ZNF282: variants seen among roughly 807,000 people sequenced by gnomAD.
ZNF282 encodes the protein zinc finger protein 282, also known as HTLV-I U5 repressive element-binding protein 1.
In ZNF282, 30 loss-of-function variants were observed where a neutral mutation model predicts 61.9. The ratio of observed to expected loss-of-function variants is 0.48; its 90% CI spans 0.36 to 0.66. The LOEUF (loss-of-function observed/expected upper bound fraction) is 0.66, where lower values mean the gene tolerates loss of function less well. Among genes scored for constraint, ZNF282 ranks in the 30% least tolerant of loss-of-function variants. The pLI, the probability that ZNF282 is intolerant of heterozygous loss-of-function variation, is 0.00. For synonymous variants in ZNF282, 396 were observed against 405.0 expected (o/e 0.98, Z 0.27); for missense variants, 788 against 941.4 (o/e 0.84, Z 2.13).
intron 7 of ZNF282, among the ~76,000 whole-genome samples, chr7:149,220,872 A>G (rs1796235368): frequency 1.3e-5 from 2 of 150,600 alleles, no homozygotes; most frequent in African/African-American, 4.9e-5. Context: ...AAAACCCACT[A>G]GAGACGTGGG....
rs763421240 is a variant in ZNF282, at chr7:149,212,362, C to T, written c.957C>T (p.Ser319=). The T allele has an allele frequency of 6.2e-7, 1 of 1,608,874 alleles. No individual in the cohort carries two copies. The highest frequency in any genetic ancestry group is 1.1e-5 in the South Asian group (1 of 89,764). The part of the protein sequence containing the change: ...RAIPTESITD[S]PISAQDLLSR... ...CGCTCTTGTTCCCGCAAGTAGACTC[C>T]CCAATTTCTGCCCAGGACCTCTTGT... Residue 319 remains serine (S), a synonymous_variant, in exon 6 of 8, where the codon TCC becomes TCT. Transcript: ENST00000610704.
chr7:149,210,732 CAGGGA>C lies in ZNF282; in HGVS notation c.952+29_952+33del, dbSNP rs766118391. The C allele has an allele frequency of 2.5e-5, 38 of 1,541,008 alleles. No homozygotes were observed. The South Asian group carries it at 3.8e-4, about 15-fold the overall frequency. ...GAGTGAGCCAAGCAGCCGTCCACAC[CAGGGA>C]GGGGAGGGGAGGGGAGAGGGTTAGC... On this transcript the variant is annotated intron_variant, in intron 5 of 7. Transcript: ENST00000610704.
chr7:149,220,218 C>T (rs1222112660), intron 7 of ZNF282, among the ~76,000 whole-genome samples: 1 of 152,062 alleles, frequency 6.6e-6, no homozygotes, highest in Non-Finnish European at 1.5e-5. Context: ...ACCATCCTGG[C>T]TAACACGGTG....
At position 149,206,710 on chromosome 7, in the gene ZNF282, T is replaced by C; in HGVS notation, c.600T>C (p.Phe200=). Residue 200 remains phenylalanine (F), a synonymous_variant, in exon 3 of 8, where the codon TTT becomes TTC. Transcript: ENST00000610704. The part of the protein sequence containing the change: ...KGEAPKVPVT[F]VDIAVYFSED... ...TGTTGGCTTAGGTTCCAGTGACTTT[T>C]GTCGACATTGCTGTGTACTTCTCCG... The C allele has an allele frequency of 6.2e-7, 1 of 1,614,192 alleles. No homozygotes were observed. The highest frequency in any genetic ancestry group is 1.3e-5 in the African/African-American group (1 of 75,036).
chr7:149,214,066 G>T (rs1256067812), intron 7 of ZNF282, among the ~76,000 whole-genome samples: 2 of 152,188 alleles, frequency 1.3e-5, no homozygotes, highest in African/African-American at 4.8e-5. Flanking sequence ...TTCTCTCACA[G>T]TTCCACAGGT....
chr7:149,207,249 G>C, intron 3 of ZNF282, 102 bp from the exon 4 acceptor site: 2 of 1,440,802 alleles, frequency 1.4e-6, no homozygotes. Context: ...GGGACACCCA[G>C]GAGGAGAGGG....
intron 7 of ZNF282, among the ~76,000 whole-genome samples, chr7:149,217,405 C>G (rs1796173902): frequency 6.6e-6 from 1 of 151,966 alleles, no homozygotes; most frequent in Non-Finnish European, 1.5e-5. Flanking sequence ...AACAAACAAA[C>G]AAAAAACAAC....
intron 7 of ZNF282, among the ~76,000 whole-genome samples, chr7:149,214,317 T>C (rs1585570905): frequency 6.6e-6 from 1 of 152,322 alleles, no homozygotes; most frequent in East Asian, 1.9e-4. Context: ...TACTCTAGTA[T>C]GACCTCATCT....
intron 4 of ZNF282, among the ~76,000 whole-genome samples, chr7:149,207,844 C>G (rs1036927333): frequency 2.0e-5 from 3 of 152,210 alleles, no homozygotes; most frequent in Non-Finnish European, 2.9e-5. Context: ...CGCCCCGGCC[C>G]GTCGCTTATT....
rs1017290661 is a variant in ZNF282, at chr7:149,198,820, C to A, written c.585+68C>A. On this transcript the variant is annotated intron_variant, in intron 2 of 7. Coordinates refer to ENST00000610704, the MANE Select transcript of ZNF282 (RefSeq NM_003575.4). This position sits in a 1 kb window ranked among gnomAD's most constrained non-coding sequence, Gnocchi z 4.3. The stretch of plus-strand genomic sequence containing the variant: ...CACAGGTGCATAAAATTCTTGATTT[C>A]ATTTTGTCAGCCCTTCTCATAAACT... The A allele has an allele frequency of 4.6e-6, 7 of 1,519,310 alleles. No homozygotes were observed. The highest frequency in any genetic ancestry group is 6.2e-6 in the Non-Finnish European group (7 of 1,137,926). 94.1% of individuals were successfully genotyped at this position (1,519,310 alleles called of 1,614,324 possible).
intron 1 of ZNF282, 89 bp downstream of exon 1, chr7:149,195,843 T>C: frequency 8.6e-7 from 1 of 1,163,188 alleles, no homozygotes. Flanking sequence ...CGTCCTCCGG[T>C]AGCCTTGCGG....
Position 149,198,746 on chromosome 7 carries a change from C to T in ZNF282, c.579C>T (p.Ala193=), listed in dbSNP as rs201932713. Residue 193 remains alanine (A), a synonymous_variant, in exon 2 of 8, where the codon GCC becomes GCT. Transcript: ENST00000610704. This position sits in a 1 kb window ranked among gnomAD's most constrained non-coding sequence, Gnocchi z 4.3. ...LRLPPGSKGE[A]PKVPVTFVDI... ...TGCCCCCGGGCAGCAAGGGGGAGGC[C>T]CCCAAGGTATGTGGTGGTCCCTGGG... 271 of 1,612,986 alleles carry T rather than the reference C, an allele frequency of 1.7e-4. No individual in the cohort carries two copies. Among genetic ancestry groups the T allele is most frequent in the Admixed American group, 1.7e-4 (10 of 59,914 alleles).
At chr7:149,210,511 C>T in intron 4 of ZNF282, 74 bp from the exon 5 acceptor site, 1 of 1,578,950 alleles carries the variant, frequency 6.3e-7, no homozygotes, top group Non-Finnish European at 8.6e-7. Context: ...CAATGTCATT[C>T]TCTGTTCCCA....
intron 7 of ZNF282, 47 bp from the exon 8 acceptor site, chr7:149,223,765 C>A: frequency 6.9e-7 from 1 of 1,445,788 alleles, no homozygotes; most frequent in Non-Finnish European, 9.0e-7. Flanking sequence ...GTGTGGGGTC[C>A]TGGCCGAGAA....
chr7:149,215,858 C>T (rs964301001), intron 7 of ZNF282, among the ~76,000 whole-genome samples: 7 of 152,190 alleles, frequency 4.6e-5, no homozygotes, highest in Admixed American at 4.6e-4. Flanking sequence ...GGAACTAGTG[C>T]ATCTGACCTG....
intron 2 of ZNF282, among the ~76,000 whole-genome samples, chr7:149,204,770 C>T (rs899984897): frequency 2.0e-5 from 3 of 152,106 alleles, no homozygotes; most frequent in Non-Finnish European, 4.4e-5. Context: ...CGTGAGACAG[C>T]GGTATGAATT....
In ZNF282 at chr7:149,218,119, A is replaced by AAAGAGAG. The variant is rs1554471224; in HGVS notation, c.1180+4306_1180+4307insAGAGAGA. ...CCCTGTCTCAGAAAAAAAAAAAAAA[A>AAAGAGAG]AGAGAGAGAGAGAGACTAATAAAGG... On this transcript the variant is annotated intron_variant, in intron 7 of 7. Transcript: ENST00000610704. 2.6e-3 allele frequency among the ~76,000 whole-genome samples: 394 copies of AAAGAGAG among 149,914 alleles called. 4 individuals carry two copies. Among genetic ancestry groups the AAAGAGAG allele is most frequent in the African/African-American group, 9.2e-3 (372 of 40,266 alleles).
chr7:149,196,486 A>C (rs1252306837), intron 1 of ZNF282, among the ~76,000 whole-genome samples: 1 of 152,090 alleles, frequency 6.6e-6, no homozygotes, highest in African/African-American at 2.4e-5. Flanking sequence ...ATTGGGTATA[A>C]AACCAGGGGA....
In ZNF282 at chr7:149,225,396, T is replaced by A. The variant is rs1291974343; in HGVS notation, c.*749T>A. 1 of 152,270 alleles carries A rather than the reference T, an allele frequency of 6.6e-6. No individual in the cohort carries two copies. Among genetic ancestry groups the A allele is most frequent in the African/African-American group, 2.4e-5 (1 of 41,452 alleles). The allele number at this position is 152,270 out of a possible 1,614,324, so 9.4% of individuals were successfully genotyped here. On this transcript the variant is annotated 3_prime_UTR_variant, in exon 8 of 8. Coordinates refer to ENST00000610704, the MANE Select transcript of ZNF282 (RefSeq NM_003575.4). ...CCAGAAGCGACAGGAGGCCAGCTCC[T>A]GGGGTTCCTGGGAGCCGGGAACAGA...
Sources: allele counts gnomAD v4.1 joint callset (sites outside exome capture counted in the v4.1 genomes callset), GRCh38; gene constraint gnomAD v4.1.1; non-coding constraint Gnocchi (gnomAD v3.1); transcripts MANE v1.5; gene names NCBI Gene and HGNC (gene_info 2026-07-23, HGNC 2026-07-21).